Variants in SLC35E2B observed in about 807,000 individuals in gnomAD.
The protein encoded by SLC35E2B is solute carrier family 35 member E2B.
In SLC35E2B, 18 loss-of-function variants were observed where a neutral mutation model predicts 32.4. That is an observed-to-expected ratio of 0.56 (90% CI 0.38 to 0.82). The LOEUF (loss-of-function observed/expected upper bound fraction) is 0.82. Ranked by LOEUF, SLC35E2B falls within the 40% of genes least tolerant of loss-of-function variation. SLC35E2B has a pLI of 0.00. For synonymous variants in SLC35E2B, 132 were observed against 209.1 expected, an observed-to-expected ratio of 0.63 and a Z score of 3.18; for missense variants, 263 against 469.5, an observed-to-expected ratio of 0.56 and a Z score of 4.06.
chr1:1,669,650 T>G lies in SLC35E2B; in HGVS notation c.834+14A>C. On this transcript the variant is annotated intron_variant, in intron 8 of 9. Coordinates refer to ENST00000617444, the MANE Select transcript of SLC35E2B (RefSeq NM_001290264.2). Reference sequence around the variant, plus strand: ...CCGGCAAGTAAGGACGGGACGCCTGTGTCTGAAACCCACCGTAAAGAAAAC... The same window carrying G: ...CCGGCAAGTAAGGACGGGACGCCTGGGTCTGAAACCCACCGTAAAGAAAAC... 1.3e-6 allele frequency: 2 copies of G among 1,517,534 alleles called. No individual in the cohort carries two copies. The highest frequency in any genetic ancestry group is 1.8e-6 in the Non-Finnish European group (2 of 1,121,492). The allele number at this position is 1,517,534 out of a possible 1,614,324, so 94.0% of individuals were successfully genotyped here. A position where few individuals can be genotyped will look rare whatever the true frequency, so the allele number is the denominator to read the frequency against.
At chr1:1,692,074 AAAAG>A (rs1280702838) in intron 1 of SLC35E2B, among the ~76,000 whole-genome samples, 1 of 80,818 alleles carries the variant, frequency 1.2e-5, no homozygotes, top group Non-Finnish European at 2.3e-5. Flanking sequence ...AAGAAAAAAA[AAAAG>A]AAAAGGCACC....
intron 2 of SLC35E2B, among the ~76,000 whole-genome samples, chr1:1,690,069 G>A (rs926954087): frequency 4.7e-5 from 7 of 150,296 alleles, no homozygotes; most frequent in Admixed American, 1.3e-4. Context: ...ATCACCTGAG[G>A]TTGGGAGTTC....
At chr1:1,671,841 T>C (rs1201164019) in intron 5 of SLC35E2B, 9 of 455,674 alleles carry the variant, frequency 2.0e-5, no homozygotes, top group Non-Finnish European at 2.7e-5. Context: ...GTGGCGCCTT[T>C]CACTCTACAT....
intron 2 of SLC35E2B, among the ~76,000 whole-genome samples, chr1:1,683,744 C>T (rs1031362084): frequency 6.6e-6 from 1 of 152,036 alleles, no homozygotes; most frequent in Non-Finnish European, 1.5e-5. Context: ...CCTGCCTCAT[C>T]AGCATAAGCT....
At chr1:1,684,272 G>A (rs1643925741) in intron 2 of SLC35E2B, among the ~76,000 whole-genome samples, 2 of 152,202 alleles carry the variant, frequency 1.3e-5, no homozygotes, top group African/African-American at 4.8e-5. Flanking sequence ...CTAATGCAGA[G>A]TGGCTATAAG....
rs148558067 is a variant in SLC35E2B, at chr1:1,688,140, A to G, written c.-148+2836T>C. 5.4e-3 allele frequency among the ~76,000 whole-genome samples: 817 copies of G among 152,216 alleles called. 12 individuals carry two copies. Among genetic ancestry groups the G allele is most frequent in the African/African-American group, 0.019 (783 of 41,524 alleles). On this transcript the variant is annotated intron_variant, in intron 2 of 9. Transcript: ENST00000617444. The stretch of plus-strand genomic sequence containing the variant: ...GGATCAGAACCCCCAGTAAAACAAC[A>G]GCCCACAAGGCCATGCTGATGAACG...
chr1:1,680,268 T>A (rs2101110455), intron 2 of SLC35E2B, among the ~76,000 whole-genome samples: 1 of 151,642 alleles, frequency 6.6e-6, no homozygotes, highest in African/African-American at 2.4e-5. Context: ...GCCACTGAAC[T>A]CCAGCCTGGG....
chr1:1,677,975 AG>A (rs1018938305), intron 2 of SLC35E2B, among the ~76,000 whole-genome samples: 4 of 149,260 alleles, frequency 2.7e-5, no homozygotes, highest in African/African-American at 9.9e-5. Context: ...CACCTCCCCC[AG>A]GTCTCAATCC....
intron 2 of SLC35E2B, among the ~76,000 whole-genome samples, chr1:1,677,726 A>T (rs12757736): frequency 0.36 from 53,756 of 150,310 alleles, 11,656 homozygotes; most frequent in Non-Finnish European, 0.49. Flanking sequence ...GACCTCGTGA[A>T]CCGCCCACCT....
chr1:1,683,600 G>A (rs1443485660), intron 2 of SLC35E2B, among the ~76,000 whole-genome samples: 2 of 151,968 alleles, frequency 1.3e-5, no homozygotes, highest in African/African-American at 2.4e-5. Flanking sequence ...TTTTTACAGC[G>A]TTTAATCTCC....
rs1486627337 is a variant in SLC35E2B at position 1,663,904 on chromosome 1, G to C, written c.*1878C>G. ...CACAGGTCAGCGGTTTTATAGAAGC[G>C]GCTGAAGCAGGTGTAGTAGCCCACG... On this transcript the variant is annotated 3_prime_UTR_variant, in exon 10 of 10. Transcript: ENST00000617444. The C allele has an allele frequency of 2.6e-6, 2 of 773,606 alleles. No individual in the cohort carries two copies. Among genetic ancestry groups the C allele is most frequent in the Non-Finnish European group, 3.2e-6 (2 of 633,364 alleles). The allele number at this position is 773,606 out of a possible 1,614,324, so 47.9% of individuals were successfully genotyped here. A position where few individuals can be genotyped will look rare whatever the true frequency, so the allele number is the denominator to read the frequency against.
chr1:1,672,687 TC>T (rs1403331983), intron 5 of SLC35E2B: 6 of 151,966 alleles, frequency 3.9e-5, no homozygotes, highest in Admixed American at 2.0e-4. Context: ...CATCTGGGGG[TC>T]CCCATGGTGG....
At chr1:1,685,719 G>T (rs565348474) in intron 2 of SLC35E2B, among the ~76,000 whole-genome samples, 1 of 152,138 alleles carries the variant, frequency 6.6e-6, no homozygotes, top group African/African-American at 2.4e-5. Flanking sequence ...CTGGGAACTC[G>T]GGTGCATGGA....
At chr1:1,669,309 A>G (rs1025356063) in intron 8 of SLC35E2B, among the ~76,000 whole-genome samples, 2 of 152,032 alleles carry the variant, frequency 1.3e-5, no homozygotes, top group Non-Finnish European at 2.9e-5. Flanking sequence ...CAGTGAGCAG[A>G]GATCACACCA....
intron 2 of SLC35E2B, among the ~76,000 whole-genome samples, chr1:1,678,069 C>T (rs752193713): frequency 6.6e-5 from 10 of 152,018 alleles, no homozygotes; most frequent in Non-Finnish European, 8.8e-5. Context: ...TCTGAAGGGG[C>T]GCCCATCCTG....
chr1:1,675,635 T>G (rs774046951), intron 4 of SLC35E2B, 45 bp from the exon 5 acceptor site: 27 of 1,467,128 alleles, frequency 1.8e-5, no homozygotes, highest in Non-Finnish European at 2.3e-5. Context: ...CGAGTCTGTC[T>G]GCCTGCACCC....
intron 2 of SLC35E2B, among the ~76,000 whole-genome samples, chr1:1,687,057 A>AAAAT (rs1476693156): frequency 3.3e-5 from 5 of 152,190 alleles, no homozygotes; most frequent in South Asian, 4.1e-4. Context: ...CTCCGTCTCA[A>AAAAT]AAACAAATAA....
At chr1:1,669,207 TGG>T (rs891470373) in intron 8 of SLC35E2B, among the ~76,000 whole-genome samples, 7 of 151,360 alleles carry the variant, frequency 4.6e-5, no homozygotes, top group African/African-American at 1.7e-4. Context: ...ACCCTCTGTG[TGG>T]GGGACTCTAG....
intron 2 of SLC35E2B, among the ~76,000 whole-genome samples, chr1:1,677,720 T>G (rs12724172): frequency 0.36 from 53,924 of 150,992 alleles, 11,711 homozygotes; most frequent in Non-Finnish European, 0.49. Flanking sequence ...TCTCCTGACC[T>G]CGTGAACCGC....
Sources: gnomAD v4.1 joint callset for allele counts (sites outside exome capture counted in the v4.1 genomes callset) on GRCh38, gnomAD v4.1.1 for gene constraint, MANE v1.5 for transcripts, NCBI Gene and HGNC (gene_info 2026-07-23, HGNC 2026-07-21) for gene names.